MAPK10: variants seen among roughly 807,000 people sequenced by gnomAD.
MAPK10 encodes JNK3 alpha protein kinase.
Under a neutral mutation model 59.3 loss-of-function variants are expected in MAPK10, and 25 were observed. The observed-to-expected ratio is 0.42, with a 90% CI of 0.31 to 0.59. MAPK10 has a LOEUF of 0.59. Among genes scored for constraint, MAPK10 ranks in the 20% least tolerant of loss-of-function variants. The pLI, the probability that MAPK10 is intolerant of heterozygous loss-of-function variation, is 0.15. For synonymous variants in MAPK10, 190 were observed against 200.5 expected, an observed-to-expected ratio of 0.95 and a Z score of 0.44; for missense variants, 351 against 568.9, an observed-to-expected ratio of 0.62 and a Z score of 3.90.
chr4:86,508,969 T>A (rs1441848365), intron 1 of MAPK10, among the ~76,000 whole-genome samples: 1 of 152,202 alleles, frequency 6.6e-6, no homozygotes, highest in Non-Finnish European at 1.5e-5. Context: ...CCAACCTTGT[T>A]TTTTTCTTAG....
intron 1 of MAPK10, among the ~76,000 whole-genome samples, chr4:86,440,789 G>A (rs1749324726): frequency 6.6e-6 from 1 of 152,128 alleles, no homozygotes; most frequent in South Asian, 2.1e-4. Context: ...AAGAGAAAAA[G>A]GCAGACCACA....
chr4:86,235,401 A>G (rs976584482), intron 2 of MAPK10, among the ~76,000 whole-genome samples: 6 of 152,174 alleles, frequency 3.9e-5, no homozygotes, highest in African/African-American at 4.8e-5. Context: ...GGGTACCCAT[A>G]AAGTGCTATC....
chr4:86,247,384 C>A (rs1414440229), intron 2 of MAPK10, among the ~76,000 whole-genome samples: 3 of 152,144 alleles, frequency 2.0e-5, no homozygotes, highest in Non-Finnish European at 4.4e-5. Context: ...TGCCCTGATC[C>A]CAGGTCCTGT....
At chr4:86,458,225 G>C (rs1238974055) in intron 1 of MAPK10, among the ~76,000 whole-genome samples, 1 of 151,966 alleles carries the variant, frequency 6.6e-6, no homozygotes, top group South Asian at 2.1e-4. Flanking sequence ...GCTTGAACCT[G>C]GGAGGTGGAG....
intron 3 of MAPK10, among the ~76,000 whole-genome samples, chr4:86,184,566 C>G (rs114391494): frequency 0.085 from 12,893 of 152,106 alleles, 1,214 homozygotes; most frequent in African/African-American, 0.23. Context: ...CTCAGTGCTG[C>G]AGGTGGGGCC....
At chr4:86,552,463 G>A (rs185015047) in intron 1 of MAPK10, among the ~76,000 whole-genome samples, 594 of 31,442 alleles carry the variant, frequency 0.019, 2 homozygotes, top group African/African-American at 0.041. Flanking sequence ...GAAGGAAGGA[G>A]GGAGGGAGGG....
intron 2 of MAPK10, among the ~76,000 whole-genome samples, chr4:86,334,444 G>T (rs1480068439): frequency 6.6e-6 from 1 of 152,114 alleles, no homozygotes; most frequent in Non-Finnish European, 1.5e-5. Flanking sequence ...AAATCTGCTT[G>T]TGTCTGTGAC....
At chr4:86,550,329 T>A (rs1236505921) in intron 1 of MAPK10, among the ~76,000 whole-genome samples, 1 of 131,578 alleles carries the variant, frequency 7.6e-6, no homozygotes, top group Admixed American at 8.7e-5. Context: ...ATTAAAAAGC[T>A]GCAGCAGCAT....
At chr4:86,066,633 C>T (rs921068229) in intron 10 of MAPK10, among the ~76,000 whole-genome samples, 4 of 151,044 alleles carry the variant, frequency 2.6e-5, no homozygotes, top group Non-Finnish European at 4.4e-5. Flanking sequence ...GGCGTGGTGG[C>T]GGGCGCCTGT....
chr4:86,358,611 G>A (rs1735707892), intron 1 of MAPK10: 1 of 152,498 alleles, frequency 6.6e-6, no homozygotes, highest in South Asian at 2.1e-4. Flanking sequence ...ACCCTGGGAA[G>A]TTATCTGTTT....
chr4:86,416,798 A>C (rs1453087166), intron 1 of MAPK10, among the ~76,000 whole-genome samples: 1 of 152,216 alleles, frequency 6.6e-6, no homozygotes, highest in African/African-American at 2.4e-5. Context: ...TTAAGAAATA[A>C]ATTCCCTACT....
chr4:86,518,634 T>G (rs1311593000), intron 1 of MAPK10, among the ~76,000 whole-genome samples: 5 of 151,860 alleles, frequency 3.3e-5, no homozygotes, highest in Non-Finnish European at 7.4e-5. Flanking sequence ...GATCTTTGTT[T>G]TTTTTTTTTT....
chr4:86,481,158 G>A (rs962358806), intron 1 of MAPK10, among the ~76,000 whole-genome samples: 2 of 152,192 alleles, frequency 1.3e-5, no homozygotes, highest in African/African-American at 2.4e-5. Context: ...GATATTTCTA[G>A]GTTTTGTAGC....
At chr4:86,521,653 C>A (rs1757119723) in intron 1 of MAPK10, among the ~76,000 whole-genome samples, 1 of 152,108 alleles carries the variant, frequency 6.6e-6, no homozygotes, top group Non-Finnish European at 1.5e-5. Context: ...ACTATGCCCC[C>A]CAACCACACT....
intron 2 of MAPK10, among the ~76,000 whole-genome samples, chr4:86,196,963 C>A (rs1419699912): frequency 1.3e-5 from 2 of 152,084 alleles, no homozygotes; most frequent in Non-Finnish European, 2.9e-5. Flanking sequence ...GTTACTGTAG[C>A]CTTGTAGTAT....
chr4:86,265,982 C>T (rs2094217297), intron 2 of MAPK10, among the ~76,000 whole-genome samples: 2 of 152,046 alleles, frequency 1.3e-5, no homozygotes, highest in Admixed American at 6.6e-5. Context: ...TCAGCATTTT[C>T]GCATCTAACA....
At chr4:86,313,895 C>G (rs1268329274) in intron 2 of MAPK10, among the ~76,000 whole-genome samples, 2 of 151,952 alleles carry the variant, frequency 1.3e-5, no homozygotes, top group Non-Finnish European at 2.9e-5. Flanking sequence ...AAGTCAAGTG[C>G]AAGAACGTTC....
At chr4:86,149,560 C>T (rs1393760207) in intron 4 of MAPK10, among the ~76,000 whole-genome samples, 1 of 152,160 alleles carries the variant, frequency 6.6e-6, no homozygotes, top group African/African-American at 2.4e-5. Context: ...AGTCACCGCA[C>T]CCAACCTGGA....
At chr4:86,111,628 C>T in intron 4 of MAPK10, among the ~76,000 whole-genome samples, 1 of 152,124 alleles carries the variant, frequency 6.6e-6, no homozygotes, top group East Asian at 1.9e-4. Flanking sequence ...ATTCAGTTTG[C>T]CAGTATCTTA....
Sources: gnomAD v4.1 joint callset for allele counts (sites outside exome capture counted in the v4.1 genomes callset) on GRCh38, gnomAD v4.1.1 for gene constraint, MANE v1.5 for transcripts, NCBI Gene and HGNC (gene_info 2026-07-23, HGNC 2026-07-21) for gene names.